ZNF608: variants seen among roughly 807,000 people sequenced by gnomAD.
ZNF608 encodes zinc finger protein 608.
In ZNF608, 12 loss-of-function variants were observed where a neutral mutation model predicts 109.0. The observed-to-expected ratio is 0.11, with a 90% CI of 0.07 to 0.18. The LOEUF (loss-of-function observed/expected upper bound fraction) is 0.18, where lower values mean the gene tolerates loss of function less well. Among genes scored for constraint, ZNF608 ranks in the 10% least tolerant of loss-of-function variants. The pLI is 1.00. For missense variants in ZNF608, 1,707 were observed against 1,879.3 expected, an observed-to-expected ratio of 0.91 and a Z score of 1.70; for synonymous variants, 732 against 717.4, an observed-to-expected ratio of 1.02 and a Z score of -0.33.
chr5:124,652,939 C>T (rs1393963658), intron 3 of ZNF608, among the ~76,000 whole-genome samples: 1 of 152,196 alleles, frequency 6.6e-6, no homozygotes, highest in Non-Finnish European at 1.5e-5. Flanking sequence ...TTTCTTTTCA[C>T]GCACATTTAT....
intron 3 of ZNF608, among the ~76,000 whole-genome samples, chr5:124,677,520 C>T (rs146714635): frequency 2.6e-5 from 4 of 152,220 alleles, no homozygotes; most frequent in African/African-American, 9.6e-5. Flanking sequence ...ATTAATTTTC[C>T]CAAGGCTCAC....
chr5:124,747,856 T>C (rs1749693997), upstream of ZNF608, among the ~76,000 whole-genome samples: 1 of 152,168 alleles, frequency 6.6e-6, no homozygotes, highest in Non-Finnish European at 1.5e-5. Context: ...GAGAAGGGTA[T>C]CTCCGAGCTA....
At chr5:124,726,263 A>T (rs540929029) in intron 2 of ZNF608, among the ~76,000 whole-genome samples, 4 of 151,928 alleles carry the variant, frequency 2.6e-5, no homozygotes, top group Non-Finnish European at 5.9e-5. Context: ...TTTCCATTGG[A>T]ACTAACTCTA....
At chr5:124,691,867 C>A (rs1430576643) in intron 3 of ZNF608, among the ~76,000 whole-genome samples, 1 of 151,652 alleles carries the variant, frequency 6.6e-6, no homozygotes, top group Non-Finnish European at 1.5e-5. Context: ...TTCAAGATAA[C>A]TAAGTTCTAG....
At chr5:124,746,987 G>T (rs1012199945), upstream of ZNF608, among the ~76,000 whole-genome samples, 3 of 151,410 alleles carry the variant, frequency 2.0e-5, no homozygotes, top group Admixed American at 1.3e-4. Context: ...AAATAACGGC[G>T]TTTAAAATGG....
chr5:124,649,534 T>C, intron 4 of ZNF608, 76 bp downstream of exon 4: 1 of 1,192,516 alleles, frequency 8.4e-7, no homozygotes, highest in Non-Finnish European at 1.2e-6. Context: ...CACTTTTATG[T>C]ATTATGAATC....
intron 2 of ZNF608, among the ~76,000 whole-genome samples, chr5:124,742,303 T>C: frequency 6.6e-6 from 1 of 152,194 alleles, no homozygotes; most frequent in East Asian, 1.9e-4. Flanking sequence ...TTGTTGAATG[T>C]GAACATTTGG....
Position 124,744,436 on chromosome 5 carries a change from CCACA to C in ZNF608, c.550_553del (p.Cys184GlyfsTer98). 6.2e-7 allele frequency: 1 copy of C among 1,614,236 alleles called. No individual in the cohort carries two copies. Among genetic ancestry groups the C allele is most frequent in the Non-Finnish European group, 8.5e-7 (1 of 1,180,040 alleles). On this transcript the variant is annotated frameshift_variant, in exon 2 of 10. Coordinates refer to ENST00000513986, the MANE Select transcript of ZNF608 (RefSeq NM_020747.3). LOFTEE classifies it high-confidence loss of function. The surrounding 1 kb of genome is among the most constrained non-coding windows in gnomAD (Gnocchi z 4.5). ...ACCTGGCTTCTCCTCTTTGCTTTTC[CCACA>C]GGAGCCTGCCCCCGCGGTGGCGGCA...
chr5:124,641,163 C>T, intron 8 of ZNF608, 89 bp downstream of exon 8: 1 of 1,553,094 alleles, frequency 6.4e-7, no homozygotes, highest in Non-Finnish European at 8.9e-7. Context: ...GAACTCAAAG[C>T]TCAATATTTT....
intron 2 of ZNF608, among the ~76,000 whole-genome samples, chr5:124,730,328 T>C (rs1450621658): frequency 1.3e-5 from 2 of 152,224 alleles, no homozygotes; most frequent in Non-Finnish European, 2.9e-5. Context: ...ATTTAACATG[T>C]TTAAGACCCA....
chr5:124,723,032 A>ATT (rs753609561), intron 2 of ZNF608, among the ~76,000 whole-genome samples: 1 of 142,886 alleles, frequency 7.0e-6, no homozygotes, highest in Non-Finnish European at 1.5e-5. Flanking sequence ...TAAAAAAAAA[A>ATT]TTTTTTTTTT....
Position 124,745,097 on chromosome 5 carries a change from C to A in ZNF608, c.-108G>T. Reference sequence around the variant, plus strand: ...TTCTCTCAAAGAAAAAAAAAATCTTCTAATCTTCCTCTTCTTTTTCCTGCC... The same window carrying A: ...TTCTCTCAAAGAAAAAAAAAATCTTATAATCTTCCTCTTCTTTTTCCTGCC... On this transcript the variant is annotated 5_prime_UTR_variant, in exon 2 of 10. Transcript: ENST00000513986. 1 of 1,463,298 alleles carries A rather than the reference C, an allele frequency of 6.8e-7. No individual in the cohort carries two copies. Among genetic ancestry groups the A allele is most frequent in the Non-Finnish European group, 9.0e-7 (1 of 1,117,084 alleles). The allele number at this position is 1,463,298 out of a possible 1,614,324, so 90.6% of individuals were successfully genotyped here.
At chr5:124,683,051 T>C (rs1380917450) in intron 3 of ZNF608, among the ~76,000 whole-genome samples, 1 of 152,082 alleles carries the variant, frequency 6.6e-6, no homozygotes. Context: ...CCTCTCTATC[T>C]GATCTTGCTG....
intron 2 of ZNF608, among the ~76,000 whole-genome samples, chr5:124,741,442 C>A (rs934260178): frequency 6.6e-5 from 10 of 151,816 alleles, no homozygotes; most frequent in African/African-American, 1.2e-4. Flanking sequence ...TACACTCCCC[C>A]CTTTGGTTTT....
chr5:124,684,726 G>A (rs1466428254), intron 3 of ZNF608, among the ~76,000 whole-genome samples: 1 of 152,096 alleles, frequency 6.6e-6, no homozygotes, highest in Non-Finnish European at 1.5e-5. Flanking sequence ...CTTTTAACTG[G>A]TCTCCCTTTT....
chr5:124,686,623 A>G (rs1025587180), intron 3 of ZNF608, among the ~76,000 whole-genome samples: 3 of 152,238 alleles, frequency 2.0e-5, no homozygotes, highest in African/African-American at 7.2e-5. Flanking sequence ...AGGTCTTCTC[A>G]TGAAGCTGAG....
At chr5:124,718,081 C>A (rs567553383) in intron 2 of ZNF608, among the ~76,000 whole-genome samples, 6 of 152,346 alleles carry the variant, frequency 3.9e-5, no homozygotes, top group Middle Eastern at 6.8e-3. Flanking sequence ...ATTCTGCAAA[C>A]TTCCTTGCTG....
At chr5:124,638,254 G>GTT (rs11304171) in intron 9 of ZNF608, among the ~76,000 whole-genome samples, 5 of 145,492 alleles carry the variant, frequency 3.4e-5, no homozygotes, top group African/African-American at 1.0e-4. Context: ...CCGGCCAACA[G>GTT]TTTTTTTTTT....
chr5:124,722,473 TC>T (rs1247049244), intron 2 of ZNF608, among the ~76,000 whole-genome samples: 1 of 152,024 alleles, frequency 6.6e-6, no homozygotes, highest in Non-Finnish European at 1.5e-5. Context: ...TCCTTTTGCC[TC>T]CCATTTGACC....
Sources: gnomAD v4.1 joint callset for allele counts (sites outside exome capture counted in the v4.1 genomes callset) on GRCh38, gnomAD v4.1.1 for gene constraint, Gnocchi (gnomAD v3.1) non-coding constraint, MANE v1.5 for transcripts, NCBI Gene and HGNC (gene_info 2026-07-23, HGNC 2026-07-21) for gene names.